GANC: variants seen among roughly 807,000 people sequenced by gnomAD.
The protein encoded by GANC is neutral alpha-glucosidase C.
A neutral mutation model predicts 124.2 loss-of-function variants in GANC; 117 were observed. That is an observed-to-expected ratio of 0.94 (90% CI 0.81 to 1.10). The LOEUF (loss-of-function observed/expected upper bound fraction) is 1.10, where lower values mean the gene tolerates loss of function less well. Among genes scored for constraint, GANC ranks in the 50% least tolerant of loss-of-function variants. The pLI is 0.00. For missense variants in GANC, 1,140 were observed against 1,095.0 expected (o/e 1.04, Z -0.58); for synonymous variants, 377 against 376.8 (o/e 1.00, Z -0.01).
In GANC at chr15:42,287,801, CAAGCCAAGCACTGTAAGGT is replaced by C; in HGVS notation, c.321_329+10del. The C allele has an allele frequency of 2.5e-6, 4 of 1,613,058 alleles. No individual in the cohort carries two copies. Among genetic ancestry groups the C allele is most frequent in the Non-Finnish European group, 3.4e-6 (4 of 1,179,452 alleles). ...TTGAAGTTCCGGATGTCCTCACAAG[CAAGCCAAGCACTGTAAGGT>C]AAGCCAAGGAGCGAGGTATTTTAGA... On this transcript the variant is annotated splice_donor_variant and coding_sequence_variant, in exon 4 of 24. Transcript: ENST00000318010. LOFTEE classifies it high-confidence loss of function.
At chr15:42,296,523 G>A (rs1316114354) in intron 5 of GANC, among the ~76,000 whole-genome samples, 2 of 152,126 alleles carry the variant, frequency 1.3e-5, no homozygotes, top group Admixed American at 6.6e-5. Flanking sequence ...CTCCCAAGTA[G>A]CTGTGATTAC....
Position 42,297,464 on chromosome 15 carries a change from C to T in GANC, c.513-147C>T, listed in dbSNP as rs77930061. The stretch of plus-strand genomic sequence containing the variant: ...AGGCAGGCACCACTGCACCTGGGTT[C>T]ATTTTTATTTTTATAATGATGTTAT... On this transcript the variant is annotated intron_variant, in intron 5 of 23. Coordinates refer to ENST00000318010, the MANE Select transcript of GANC (RefSeq NM_198141.3). 0.012 allele frequency: 6,673 copies of T among 546,656 alleles called. 582 individuals are homozygous for T. In the East Asian group the frequency reaches 0.19, roughly 16 times the overall value. 33.9% of individuals were successfully genotyped at this position (546,656 alleles called of 1,614,324 possible). A position where few individuals can be genotyped will look rare whatever the true frequency, so the allele number is the denominator to read the frequency against.
chr15:42,353,613 C>G lies in GANC; in HGVS notation c.*1474C>G, dbSNP rs2052479857. 18 of 985,494 alleles carry G rather than the reference C, an allele frequency of 1.8e-5. No individual in the cohort carries two copies. The South Asian group carries it at 7.5e-4, about 41-fold the overall frequency. 61.0% of individuals were successfully genotyped at this position (985,494 alleles called of 1,614,324 possible). A position where few individuals can be genotyped will look rare whatever the true frequency, so the allele number is the denominator to read the frequency against. On this transcript the variant is annotated 3_prime_UTR_variant, in exon 24 of 24. Coordinates refer to ENST00000318010, the MANE Select transcript of GANC (RefSeq NM_198141.3). ...ATACCTGACTTTCAGTAACTGTTAG[C>G]TGTGATTAGTTAGCTGGTGGATTTA...
rs1566945854 is a variant in GANC, at chr15:42,273,256, G to A, written c.-1226G>A. Reference sequence around the variant, plus strand: ...GACGTTAGTGAAGTGAATACTCACCGACGGTATCGGAATGTGCCATTTGGA... The same window carrying A: ...GACGTTAGTGAAGTGAATACTCACCAACGGTATCGGAATGTGCCATTTGGA... On this transcript the variant is annotated 5_prime_UTR_variant, in exon 1 of 24. Transcript: ENST00000318010. 1.2e-6 allele frequency: 2 copies of A among 1,614,060 alleles called. No homozygotes were observed. The highest frequency in any genetic ancestry group is 2.2e-5 in the East Asian group (1 of 44,880).
In GANC at chr15:42,339,767, A is replaced by G; in HGVS notation, c.1942A>G (p.Met648Val). The G allele has an allele frequency of 1.2e-6, 2 of 1,614,174 alleles. No homozygotes were observed. The highest frequency in any genetic ancestry group is 8.5e-7 in the Non-Finnish European group (1 of 1,180,014). ...YQPFFRGHAT[M>V]NTKRREPWLF... ...GCCCTTCTTCCGTGGCCATGCCACC[A>G]TGAACACCAAGCGACGAGAGCCCTG... The change falls in exon 17 of 24, where the codon ATG (methionine) becomes GTG (valine). Residue 648 changes from methionine to valine, a missense_variant. Physicochemically the swap from Met to Val is conservative, Grantham distance 21. Coordinates refer to ENST00000318010, the MANE Select transcript of GANC (RefSeq NM_198141.3).
At chr15:42,308,845 A>G (rs2052023625) in intron 8 of GANC, among the ~76,000 whole-genome samples, 1 of 152,044 alleles carries the variant, frequency 6.6e-6, no homozygotes, top group South Asian at 2.1e-4. Flanking sequence ...AAACTATAAT[A>G]CTGAACCTAG....
intron 4 of GANC, among the ~76,000 whole-genome samples, chr15:42,290,796 A>C (rs1452160154): frequency 6.6e-6 from 1 of 152,146 alleles, no homozygotes; most frequent in Non-Finnish European, 1.5e-5. Context: ...TGATGGAGCA[A>C]GACCCTGTCT....
chr15:42,278,076 CA>C (rs1162309000), intron 2 of GANC: 5 of 367,902 alleles, frequency 1.4e-5, no homozygotes, highest in African/African-American at 1.0e-4. Flanking sequence ...GGGAAGTCTA[CA>C]GTGAATGCCT....
At chr15:42,346,119 C>A (rs192479205) in intron 20 of GANC, among the ~76,000 whole-genome samples, 1 of 152,298 alleles carries the variant, frequency 6.6e-6, no homozygotes, top group Non-Finnish European at 1.5e-5. Flanking sequence ...CTGTTCCTGT[C>A]GTTTCAGGAC....
intron 6 of GANC, among the ~76,000 whole-genome samples, chr15:42,302,803 GA>G (rs113221984): frequency 2.7e-5 from 4 of 150,626 alleles, no homozygotes; most frequent in African/African-American, 7.3e-5. Context: ...CAAGATTAGA[GA>G]AAAAAAAATC....
intron 18 of GANC, among the ~76,000 whole-genome samples, chr15:42,342,434 T>C (rs1326543043): frequency 2.0e-5 from 3 of 151,882 alleles, no homozygotes; most frequent in Non-Finnish European, 2.9e-5. Context: ...ATTTAAAAAT[T>C]AGCTGGGCAC....
intron 11 of GANC, among the ~76,000 whole-genome samples, chr15:42,323,138 A>G (rs568997430): frequency 1.3e-5 from 2 of 152,356 alleles, no homozygotes; most frequent in African/African-American, 4.8e-5. Context: ...CATATTTTAG[A>G]TGAAGAAGCT....
At chr15:42,291,628 T>G (rs2051842925) in intron 4 of GANC, among the ~76,000 whole-genome samples, 1 of 152,018 alleles carries the variant, frequency 6.6e-6, no homozygotes, top group African/African-American at 2.4e-5. Flanking sequence ...GTTAAAATGG[T>G]CTCCCTGATT....
At chr15:42,330,766 TTTCC>T in intron 15 of GANC, 94 bp downstream of exon 15, 2 of 635,346 alleles carry the variant, frequency 3.1e-6, no homozygotes. Context: ...ATGCCTTCCT[TTTCC>T]TTTTTTTTTT....
intron 6 of GANC, among the ~76,000 whole-genome samples, chr15:42,303,969 A>T (rs1246595890): frequency 6.6e-6 from 1 of 152,174 alleles, no homozygotes; most frequent in Non-Finnish European, 1.5e-5. Flanking sequence ...TAACAAGGAT[A>T]CTCAGGACTT....
intron 7 of GANC, among the ~76,000 whole-genome samples, chr15:42,307,309 C>T (rs1323064970): frequency 6.6e-6 from 1 of 151,280 alleles, no homozygotes; most frequent in Non-Finnish European, 1.5e-5. Context: ...CTCAGGCCCT[C>T]CTTTCTGTAA....
chr15:42,345,309 CTT>C lies in GANC; in HGVS notation c.2230-446_2230-445del, dbSNP rs139905802. Among the ~76,000 whole-genome samples the C allele has an allele frequency of 8.9e-4, 134 of 150,130 alleles. 2 individuals carry two copies. The East Asian group carries it at 0.024, about 27-fold the overall frequency. On this transcript the variant is annotated intron_variant, in intron 19 of 23. Coordinates refer to ENST00000318010, the MANE Select transcript of GANC (RefSeq NM_198141.3). ...TCTGATGCTTCCTTTTCTCCTGCCT[CTT>C]TTGTAATTGATTTGCCTGCAATGTG...
Position 42,352,972 on chromosome 15 carries a change from CAAAG to C in GANC, c.*834_*837del. The stretch of plus-strand genomic sequence containing the variant: ...AGGGATGCCAAAAAAATACAGTAAT[CAAAG>C]TAAGTAATATTTCAATCCAATATTT... On this transcript the variant is annotated 3_prime_UTR_variant, in exon 24 of 24. Transcript: ENST00000318010. The C allele has an allele frequency of 6.5e-6, 4 of 619,456 alleles. No individual in the cohort carries two copies. Among genetic ancestry groups the C allele is most frequent in the Non-Finnish European group, 8.1e-6 (4 of 495,844 alleles). The allele number at this position is 619,456 out of a possible 1,614,324, so 38.4% of individuals were successfully genotyped here.
At chr15:42,304,194 A>G (rs940257027) in intron 6 of GANC, among the ~76,000 whole-genome samples, 1 of 152,226 alleles carries the variant, frequency 6.6e-6, no homozygotes, top group African/African-American at 2.4e-5. Context: ...ACTCAGGATT[A>G]AGAAACCTCA....
Sources: gnomAD v4.1 joint callset for allele counts (sites outside exome capture counted in the v4.1 genomes callset) on GRCh38, gnomAD v4.1.1 for gene constraint, MANE v1.5 for transcripts, NCBI Gene and HGNC (gene_info 2026-07-23, HGNC 2026-07-21) for gene names.